IPO8: variants seen among roughly 807,000 people sequenced by gnomAD.
IPO8 encodes importin 8.
IPO8 carries 65 observed loss-of-function variants against 141.2 expected under a neutral mutation model. That is an observed-to-expected ratio of 0.46 (90% CI 0.38 to 0.57). The LOEUF is 0.57. IPO8 is among the 20% of genes least tolerant of loss of function. The pLI is 0.00. For synonymous variants in IPO8, 411 were observed against 420.3 expected, an observed-to-expected ratio of 0.98 and a Z score of 0.27; for missense variants, 980 against 1,246.8, an observed-to-expected ratio of 0.79 and a Z score of 3.22.
intron 2 of IPO8, among the ~76,000 whole-genome samples, chr12:30,685,585 T>C (rs1267632006): frequency 1.3e-5 from 2 of 151,912 alleles, no homozygotes; most frequent in East Asian, 3.9e-4. Context: ...CTTAAGCTTC[T>C]CTTCTTTCCC....
At chr12:30,656,657 A>C in intron 17 of IPO8, 27 bp downstream of exon 17, 1 of 1,412,158 alleles carries the variant, frequency 7.1e-7, no homozygotes, top group Non-Finnish European at 9.7e-7. Flanking sequence ...TTTTCAATTT[A>C]TCTTTTTATT....
chr12:30,687,726 T>C (rs559413366), intron 2 of IPO8, among the ~76,000 whole-genome samples: 1 of 152,340 alleles, frequency 6.6e-6, no homozygotes, highest in Admixed American at 6.5e-5. Flanking sequence ...CTTAAAGTGC[T>C]TCTGGACTGA....
chr12:30,685,835 G>A (rs531631156), intron 2 of IPO8, among the ~76,000 whole-genome samples: 3 of 150,660 alleles, frequency 2.0e-5, no homozygotes, highest in South Asian at 2.1e-4. Context: ...CCCAGGAGGC[G>A]GAGGTTGCAG....
intron 7 of IPO8, among the ~76,000 whole-genome samples, chr12:30,674,393 C>T (rs946419720): frequency 5.3e-5 from 8 of 152,260 alleles, no homozygotes; most frequent in South Asian, 4.1e-4. Flanking sequence ...GACATTATTA[C>T]GGAGTTGAGT....
intron 16 of IPO8, among the ~76,000 whole-genome samples, chr12:30,657,055 G>A (rs1440591905): frequency 6.6e-6 from 1 of 151,564 alleles, no homozygotes; most frequent in Non-Finnish European, 1.5e-5. Context: ...AGAATAAAAA[G>A]AATTATTGTA....
In IPO8 at chr12:30,629,896, A is replaced by C. The variant is rs1001430633; in HGVS notation, c.*964T>G. On this transcript the variant is annotated 3_prime_UTR_variant, in exon 25 of 25. Coordinates refer to ENST00000256079, the MANE Select transcript of IPO8 (RefSeq NM_006390.4). Reference sequence around the variant, plus strand: ...ATAAAATGCTTTGGACCCTAGTCCAACATAGCTGGAATGATAAGTTATTTA... The same window carrying C: ...ATAAAATGCTTTGGACCCTAGTCCACCATAGCTGGAATGATAAGTTATTTA... 7 of 152,230 alleles carry C rather than the reference A, an allele frequency of 4.6e-5. No homozygotes were observed. The highest frequency in any genetic ancestry group is 1.7e-4 in the African/African-American group (7 of 41,468). The allele number at this position is 152,230 out of a possible 1,614,324, so 9.4% of individuals were successfully genotyped here.
rs554250691 is a variant in IPO8 at position 30,689,661 on chromosome 12, C to T, written c.166+835G>A. ...TAGATTATGACCCATTTCTCTGAAA[C>T]TGTTCATCTATCCTTCTACGTGAAC... On this transcript the variant is annotated intron_variant, in intron 2 of 24. Coordinates refer to ENST00000256079, the MANE Select transcript of IPO8 (RefSeq NM_006390.4). Among the ~76,000 whole-genome samples, 74 of 152,260 alleles carry T rather than the reference C, an allele frequency of 4.9e-4. 2 individuals carry two copies. The highest frequency in any genetic ancestry group is 1.7e-3 in the African/African-American group (71 of 41,564).
intron 17 of IPO8, among the ~76,000 whole-genome samples, chr12:30,654,309 A>AT (rs557351314): frequency 0.041 from 5,906 of 144,896 alleles, 341 homozygotes; most frequent in African/African-American, 0.13. Context: ...CCAGGGAATG[A>AT]TTTTTTTTTT....
chr12:30,644,657 T>TC (rs34573535), intron 20 of IPO8, among the ~76,000 whole-genome samples: 1 of 145,534 alleles, frequency 6.9e-6, no homozygotes, highest in Admixed American at 6.8e-5. Flanking sequence ...TTTTTTGTTT[T>TC]TTTTTTTTTT....
intron 17 of IPO8, 69 bp downstream of exon 17, chr12:30,656,615 A>C: frequency 1.1e-6 from 1 of 885,586 alleles, no homozygotes; most frequent in East Asian, 3.0e-5. Context: ...TGAAGGGCTA[A>C]AATTATACTT....
At chr12:30,666,529 T>A (rs1299298518) in intron 10 of IPO8, among the ~76,000 whole-genome samples, 1 of 152,136 alleles carries the variant, frequency 6.6e-6, no homozygotes. Flanking sequence ...ACAGAAAAAG[T>A]GCTTTATTTC....
intron 10 of IPO8, among the ~76,000 whole-genome samples, chr12:30,667,842 C>A (rs2052988716): frequency 1.3e-5 from 2 of 152,184 alleles, no homozygotes; most frequent in African/African-American, 4.8e-5. Flanking sequence ...AACAAATACT[C>A]TGTACATCAC....
chr12:30,631,827 T>A, intron 24 of IPO8, 68 bp downstream of exon 24: 2 of 964,780 alleles, frequency 2.1e-6, no homozygotes, highest in Non-Finnish European at 3.2e-6. Flanking sequence ...GCCACCTGGC[T>A]CATCAAATAA....
At position 30,656,723 on chromosome 12, in the gene IPO8, G is replaced by A; in HGVS notation, c.1909C>T (p.Leu637=). ...TGCAGAACAAGATCAATGATCCGTA[G>A]ACAGATATTCTCTAACTGCTGGGTA... ...EITQQLENIC[L]RIIDLVLQKH... Residue 637 remains leucine, a synonymous_variant, in exon 17 of 25, where the codon CTA becomes TTA. Coordinates refer to ENST00000256079, the MANE Select transcript of IPO8 (RefSeq NM_006390.4). 6.5e-7 allele frequency: 1 copy of A among 1,547,390 alleles called. No individual in the cohort carries two copies. The highest frequency in any genetic ancestry group is 1.2e-5 in the South Asian group (1 of 82,090).
At chr12:30,659,908 T>C (rs1025720999) in intron 16 of IPO8, among the ~76,000 whole-genome samples, 1 of 146,298 alleles carries the variant, frequency 6.8e-6, no homozygotes, top group Admixed American at 6.8e-5. Flanking sequence ...AACAGCTACA[T>C]GGTTTAACAA....
At chr12:30,631,509 C>A in intron 24 of IPO8, 1 of 170,054 alleles carries the variant, frequency 5.9e-6, no homozygotes, top group Non-Finnish European at 1.3e-5. Context: ...GAGAGCATTC[C>A]ATTTCCAGGA....
At chr12:30,672,078 T>A (rs11051021) in intron 8 of IPO8, among the ~76,000 whole-genome samples, 1,549 of 152,270 alleles carry the variant, frequency 0.01, 36 homozygotes, top group East Asian at 0.084. Context: ...AAATTATTTA[T>A]AAGGAAAAAG....
At chr12:30,664,029 C>T (rs1392090100) in intron 13 of IPO8, among the ~76,000 whole-genome samples, 1 of 152,044 alleles carries the variant, frequency 6.6e-6, no homozygotes, top group Non-Finnish European at 1.5e-5. Flanking sequence ...CATTATTTTC[C>T]CTTACACTAA....
rs1271523305 is a variant in IPO8 at position 30,665,317 on chromosome 12, G to A, written c.1339-8C>T. ...GTCCTTGAATAAACTCTTCTATTAG[G>A]AAACAAATTTCAACTTATCAATTTC... is the stretch of plus-strand genomic sequence containing the variant. On this transcript the variant is annotated splice_region_variant and splice_polypyrimidine_tract_variant and intron_variant, in intron 12 of 24. Transcript: ENST00000256079. 1 of 1,474,560 alleles carries A rather than the reference G, an allele frequency of 6.8e-7. No homozygotes were observed. The highest frequency in any genetic ancestry group is 9.4e-7 in the Non-Finnish European group (1 of 1,063,252). The allele number at this position is 1,474,560 out of a possible 1,614,324, so 91.3% of individuals were successfully genotyped here.
Sources: gnomAD v4.1 joint callset for allele counts (sites outside exome capture counted in the v4.1 genomes callset) on GRCh38, gnomAD v4.1.1 for gene constraint, MANE v1.5 for transcripts, NCBI Gene and HGNC (gene_info 2026-07-23, HGNC 2026-07-21) for gene names.